Variants in TASP1 observed in about 807,000 individuals in gnomAD.
The protein encoded by TASP1 is taspase 1.
TASP1 carries 16 observed loss-of-function variants against 56.6 expected under a neutral mutation model. The ratio of observed to expected loss-of-function variants is 0.28; its 90% CI spans 0.19 to 0.43. TASP1 has a LOEUF of 0.43. TASP1 is among the 20% of genes least tolerant of loss of function. The pLI is 1.00. For missense variants in TASP1, 393 were observed against 511.6 expected, an observed-to-expected ratio of 0.77 and a Z score of 2.24; for synonymous variants, 179 against 184.2, an observed-to-expected ratio of 0.97 and a Z score of 0.23.
chr20:13,319,342 G>A, the TASP1 span, among the ~76,000 whole-genome samples: 4 of 152,118 alleles, frequency 2.6e-5, no homozygotes, highest in Non-Finnish European at 5.9e-5. Context: ...CTGGCAGCCC[G>A]GGTATTTCTA....
chr20:13,135,792 C>CA, the TASP1 span, among the ~76,000 whole-genome samples: 1 of 152,170 alleles, frequency 6.6e-6, no homozygotes, highest in Admixed American at 6.5e-5. Flanking sequence ...CTAATTTCAC[C>CA]AAAATGGCTA....
chr20:13,434,628 C>G (rs1446297598), intron 12 of TASP1, among the ~76,000 whole-genome samples: 1 of 152,114 alleles, frequency 6.6e-6, no homozygotes, highest in Non-Finnish European at 1.5e-5. Context: ...GCCACGGAGC[C>G]AGGACTGACC....
intron 4 of TASP1, among the ~76,000 whole-genome samples, chr20:13,606,923 C>T (rs964306419): frequency 4.0e-5 from 6 of 151,768 alleles, no homozygotes; most frequent in Non-Finnish European, 8.8e-5. Context: ...GAATGAACAG[C>T]AGTTAATTAT....
At chr20:13,434,220 G>A (rs1385945238) in intron 12 of TASP1, among the ~76,000 whole-genome samples, 1 of 152,254 alleles carries the variant, frequency 6.6e-6, no homozygotes, top group Non-Finnish European at 1.5e-5. Context: ...TTGCAGTTAT[G>A]ATTTGTAGAC....
At chr20:13,175,609 C>G in the TASP1 span, among the ~76,000 whole-genome samples, 1 of 152,156 alleles carries the variant, frequency 6.6e-6, no homozygotes, top group Non-Finnish European at 1.5e-5. Context: ...AATTGAAGTA[C>G]TCTGAGAAAT....
intron 10 of TASP1, among the ~76,000 whole-genome samples, chr20:13,496,484 TTA>T (rs2043734464): frequency 8.1e-6 from 1 of 123,566 alleles, no homozygotes; most frequent in Admixed American, 8.1e-5. Flanking sequence ...CATTTCCTAC[TTA>T]AAAAAAAAAA....
the TASP1 span, among the ~76,000 whole-genome samples, chr20:13,305,455 C>T: frequency 6.6e-6 from 1 of 152,124 alleles, no homozygotes; most frequent in African/African-American, 2.4e-5. Flanking sequence ...ATAAGCTTCC[C>T]AGGAAGTGTT....
intron 4 of TASP1, among the ~76,000 whole-genome samples, chr20:13,607,073 A>T (rs1231544163): frequency 1.3e-5 from 2 of 152,132 alleles, no homozygotes; most frequent in African/African-American, 4.8e-5. Flanking sequence ...TTTCAAGATT[A>T]AAACAAGAGA....
chr20:13,376,211 C>A, the TASP1 span, among the ~76,000 whole-genome samples: 2 of 152,034 alleles, frequency 1.3e-5, no homozygotes, highest in African/African-American at 4.8e-5. Context: ...GGTTTTAGGT[C>A]TTATGTTTAA....
At chr20:13,380,320 ACAGT>A in the TASP1 span, among the ~76,000 whole-genome samples, 2 of 152,066 alleles carry the variant, frequency 1.3e-5, no homozygotes, top group African/African-American at 4.8e-5. Flanking sequence ...TTTCCTTCTA[ACAGT>A]CAGGCCTCTC....
the TASP1 span, among the ~76,000 whole-genome samples, chr20:13,241,780 G>T: frequency 2.0e-5 from 3 of 152,118 alleles, no homozygotes; most frequent in Non-Finnish European, 2.9e-5. Context: ...TTGAGGACAT[G>T]AATCTAAAAT....
chr20:13,387,135 G>A (rs2041168471), downstream of TASP1, among the ~76,000 whole-genome samples: 1 of 150,254 alleles, frequency 6.7e-6, no homozygotes. Flanking sequence ...TTTCTGCTTA[G>A]GATAATGGCC....
chr20:13,308,558 G>A, the TASP1 span, among the ~76,000 whole-genome samples: 1 of 152,172 alleles, frequency 6.6e-6, no homozygotes, highest in Admixed American at 6.5e-5. Context: ...TCAAAAAGTG[G>A]AAACAGTTTA....
rs57418361 is a variant in TASP1, at chr20:13,394,307, C to CAAAAAAA, written c.1171-3862_1171-3856dup. Among the ~76,000 whole-genome samples the CAAAAAAA allele has an allele frequency of 2.2e-3, 93 of 42,950 alleles. 3 individuals are homozygous for CAAAAAAA. The highest frequency in any genetic ancestry group is 7.9e-3 in the African/African-American group (86 of 10,878). 28.2% of individuals were successfully genotyped at this position (42,950 alleles called of 152,430 possible). The stretch of plus-strand genomic sequence containing the variant: ...GCCACTGCACTACAGCACTCCCTCT[C>CAAAAAAA]AAAAAAAAAAAAAAAAAAAAAGGCC... On this transcript the variant is annotated intron_variant, in intron 13 of 13. Transcript: ENST00000337743.
intron 11 of TASP1, among the ~76,000 whole-genome samples, chr20:13,455,334 T>C (rs1568824428): frequency 6.6e-6 from 1 of 152,134 alleles, no homozygotes; most frequent in Non-Finnish European, 1.5e-5. Context: ...TATGAAACTA[T>C]GCATGGATTT....
At chr20:13,484,214 G>T (rs1403942431) in intron 10 of TASP1, among the ~76,000 whole-genome samples, 3 of 152,190 alleles carry the variant, frequency 2.0e-5, no homozygotes, top group Admixed American at 6.5e-5. Context: ...TGGTGGGAGT[G>T]TAAATTAGTT....
intron 9 of TASP1, among the ~76,000 whole-genome samples, chr20:13,531,135 CTATAATA>C (rs2045201752): frequency 1.3e-5 from 2 of 152,084 alleles, no homozygotes; most frequent in Non-Finnish European, 2.9e-5. Context: ...TTACTAGGGG[CTATAATA>C]TGTAATTTAA....
chr20:13,487,371 A>G (rs1386827978), intron 10 of TASP1, among the ~76,000 whole-genome samples: 1 of 152,188 alleles, frequency 6.6e-6, no homozygotes, highest in African/African-American at 2.4e-5. Flanking sequence ...CTTAACTGTC[A>G]TTCTGGCCAG....
the TASP1 span, among the ~76,000 whole-genome samples, chr20:13,235,004 T>C: frequency 1.3e-5 from 2 of 152,220 alleles, no homozygotes; most frequent in Non-Finnish European, 2.9e-5. Context: ...TTCTTGCAAG[T>C]TGCAGGTCCC....
Sources: allele counts gnomAD v4.1 joint callset (sites outside exome capture counted in the v4.1 genomes callset), GRCh38; gene constraint gnomAD v4.1.1; transcripts MANE v1.5; gene names NCBI Gene and HGNC (gene_info 2026-07-23, HGNC 2026-07-21).